Variants in ZNF138 observed in about 807,000 individuals in gnomAD.
The protein encoded by ZNF138 is zinc finger protein 138.
Under a neutral mutation model 33.0 loss-of-function variants are expected in ZNF138, and 33 were observed. The ratio of observed to expected loss-of-function variants is 1.00; its 90% CI spans 0.76 to 1.34. The LOEUF (loss-of-function observed/expected upper bound fraction) is 1.34, where lower values mean the gene tolerates loss of function less well. Among genes scored for constraint, ZNF138 ranks in the 40% most tolerant of loss-of-function variants. The pLI, the probability that ZNF138 is intolerant of heterozygous loss-of-function variation, is 0.00. For missense variants in ZNF138, 360 were observed against 370.8 expected, an observed-to-expected ratio of 0.97 and a Z score of 0.24; for synonymous variants, 139 against 120.4, an observed-to-expected ratio of 1.15 and a Z score of -1.01.
intron 3 of ZNF138, chr7:64,831,165 G>C: frequency 6.7e-7 from 1 of 1,488,258 alleles, no homozygotes; most frequent in East Asian, 2.3e-5. Context: ...TCGGGGAACA[G>C]AAAGAGCTGT....
At chr7:64,847,332 A>AT in the ZNF138 span, among the ~76,000 whole-genome samples, 35 of 128,130 alleles carry the variant, frequency 2.7e-4, no homozygotes, top group African/African-American at 7.4e-4. Context: ...ATATATATAT[A>AT]TTTTTTTTTT....
At chr7:64,851,597 G>A in the ZNF138 span, among the ~76,000 whole-genome samples, 68 of 152,116 alleles carry the variant, frequency 4.5e-4, no homozygotes, top group African/African-American at 1.2e-3. Context: ...AATTATTTGC[G>A]TAATTATATA....
At chr7:64,828,793 T>C (rs1214047784) in intron 3 of ZNF138, among the ~76,000 whole-genome samples, 1 of 152,058 alleles carries the variant, frequency 6.6e-6, no homozygotes. Flanking sequence ...CTTTTTTTTT[T>C]TGAAGTTTGT....
chr7:64,811,545 C>T (rs1788179001), intron 1 of ZNF138, among the ~76,000 whole-genome samples: 1 of 152,222 alleles, frequency 6.6e-6, no homozygotes, highest in African/African-American at 2.4e-5. Flanking sequence ...AGGGTTTCAC[C>T]ATGTTGGCCA....
the ZNF138 span, among the ~76,000 whole-genome samples, chr7:64,847,706 GT>G: frequency 6.6e-6 from 1 of 151,796 alleles, no homozygotes; most frequent in Non-Finnish European, 1.5e-5. Flanking sequence ...TGCATGGAAT[GT>G]TTTTTTTCCA....
rs367741883 is a variant in ZNF138 at position 64,831,761 on chromosome 7, C to T, written c.519C>T (p.Asp173=). ...ENKHFRCKEC[D]KSLCMLSRLT... ...AACATTTCAGATGTAAAGAATGTGA[C>T]AAATCACTTTGCATGCTTTCACGCC... Residue 173 remains aspartate (D), a synonymous_variant, in exon 4 of 4, where the codon GAC becomes GAT. Coordinates refer to ENST00000307355, the MANE Select transcript of ZNF138 (RefSeq NM_001271639.2). 6.8e-6 allele frequency: 11 copies of T among 1,613,508 alleles called. No homozygotes were observed. The African/African-American group carries it at 1.1e-4, about 16-fold the overall frequency.
intron 1 of ZNF138, among the ~76,000 whole-genome samples, chr7:64,813,686 G>C (rs550255414): frequency 6.6e-6 from 1 of 152,092 alleles, no homozygotes; most frequent in Admixed American, 6.5e-5. Flanking sequence ...CGCCTGCCTC[G>C]GCCTCCCAAA....
the ZNF138 span, chr7:64,853,372 C>G: frequency 7.5e-7 from 1 of 1,340,966 alleles, no homozygotes; most frequent in Non-Finnish European, 1.0e-6. Context: ...GGGCCCCACT[C>G]TCCTCACAGC....
intron 3 of ZNF138, among the ~76,000 whole-genome samples, chr7:64,827,375 G>C (rs982764815): frequency 6.6e-6 from 1 of 151,938 alleles, no homozygotes; most frequent in African/African-American, 2.4e-5. Context: ...CTCCCGAGTA[G>C]CTGGGACTAC....
chr7:64,846,876 A>G, the ZNF138 span, among the ~76,000 whole-genome samples: 35 of 152,236 alleles, frequency 2.3e-4, no homozygotes, highest in African/African-American at 7.9e-4. Flanking sequence ...TTCCCCATTC[A>G]CTATTATGCT....
At position 64,809,195 on chromosome 7, in the gene ZNF138, C is replaced by T. The variant is rs1303301466; in HGVS notation, c.4-5723C>T. Among the ~76,000 whole-genome samples the T allele has an allele frequency of 3.1e-3, 129 of 41,412 alleles. 22 individuals are homozygous for T. Among genetic ancestry groups the T allele is most frequent in the African/African-American group, 0.011 (122 of 11,096 alleles). The allele number at this position is 41,412 out of a possible 152,430, so 27.2% of individuals were successfully genotyped here. A position where few individuals can be genotyped will look rare whatever the true frequency, so the allele number is the denominator to read the frequency against. ...GGCGCCCCTCACCTCCCGGGTGGGGCAGCTGGCCGGGCGGGGGGCTGACCC... is the reference window on the plus strand; with the variant it reads ...GGCGCCCCTCACCTCCCGGGTGGGGTAGCTGGCCGGGCGGGGGGCTGACCC... On this transcript the variant is annotated intron_variant, in intron 1 of 3. Transcript: ENST00000307355.
chr7:64,838,791 T>C, the ZNF138 span, among the ~76,000 whole-genome samples: 1 of 151,692 alleles, frequency 6.6e-6, no homozygotes, highest in South Asian at 2.1e-4. Flanking sequence ...AGGAGTTAGG[T>C]GGGCAGGGTT....
rs1198431583 is a variant in ZNF138, at chr7:64,832,533, T to C, written c.*331T>C. 4.4e-6 allele frequency: 3 copies of C among 676,752 alleles called. No homozygotes were observed. The highest frequency in any genetic ancestry group is 7.0e-6 in the Non-Finnish European group (3 of 430,222). 41.9% of individuals were successfully genotyped at this position (676,752 alleles called of 1,614,324 possible). ...AGAATGCGGAAAAGCCTTTAACTGGTCCTCAACTCTTATTACACATAAGAT... is the reference window on the plus strand; with the variant it reads ...AGAATGCGGAAAAGCCTTTAACTGGCCCTCAACTCTTATTACACATAAGAT... On this transcript the variant is annotated 3_prime_UTR_variant, in exon 4 of 4. Coordinates refer to ENST00000307355, the MANE Select transcript of ZNF138 (RefSeq NM_001271639.2).
chr7:64,859,287 T>A, the ZNF138 span, among the ~76,000 whole-genome samples: 2 of 152,194 alleles, frequency 1.3e-5, no homozygotes, highest in African/African-American at 4.8e-5. Context: ...ATTTTATTAG[T>A]TATTATTGTG....
the ZNF138 span, among the ~76,000 whole-genome samples, chr7:64,854,232 C>A: frequency 6.6e-6 from 1 of 152,156 alleles, no homozygotes; most frequent in Non-Finnish European, 1.5e-5. Context: ...AACACACACA[C>A]ACATACATAT....
chr7:64,849,636 G>A, the ZNF138 span, among the ~76,000 whole-genome samples: 2 of 151,994 alleles, frequency 1.3e-5, no homozygotes, highest in Non-Finnish European at 2.9e-5. Flanking sequence ...GGGAAGTGGG[G>A]GTGTGGTTCT....
chr7:64,800,895 T>C (rs1583775803), intron 1 of ZNF138, among the ~76,000 whole-genome samples: 1 of 152,176 alleles, frequency 6.6e-6, no homozygotes, highest in Admixed American at 6.5e-5. Context: ...TTCAATTTCT[T>C]TTTTGTTCAG....
chr7:64,815,933 A>G (rs1788592487), intron 3 of ZNF138, among the ~76,000 whole-genome samples: 1 of 152,104 alleles, frequency 6.6e-6, no homozygotes, highest in Non-Finnish European at 1.5e-5. Flanking sequence ...CTGCTTTTTT[A>G]TTGTTTTTAA....
At chr7:64,858,961 T>A in the ZNF138 span, among the ~76,000 whole-genome samples, 1 of 152,268 alleles carries the variant, frequency 6.6e-6, no homozygotes, top group Admixed American at 6.5e-5. Flanking sequence ...TTTTTTTATA[T>A]CTTCTTTTTT....
Sources: gnomAD v4.1 joint callset for allele counts (sites outside exome capture counted in the v4.1 genomes callset) on GRCh38, gnomAD v4.1.1 for gene constraint, MANE v1.5 for transcripts, NCBI Gene and HGNC (gene_info 2026-07-23, HGNC 2026-07-21) for gene names.